NFIX: variants seen among roughly 807,000 people sequenced by gnomAD.
The protein encoded by NFIX is nuclear factor 1 X-type.
Under a neutral mutation model 53.3 loss-of-function variants are expected in NFIX, and 2 were observed. That is an observed-to-expected ratio of 0.04 (90% CI 0.02 to 0.12). NFIX has a LOEUF of 0.12. NFIX is among the 10% of genes least tolerant of loss of function. NFIX has a pLI of 1.00. For synonymous variants in NFIX, 244 were observed against 289.0 expected, an observed-to-expected ratio of 0.84 and a Z score of 1.58; for missense variants, 310 against 674.5, an observed-to-expected ratio of 0.46 and a Z score of 5.99.
intron 1 of NFIX, among the ~76,000 whole-genome samples, chr19:13,008,997 C>T (rs990088998): frequency 2.6e-5 from 4 of 152,186 alleles, no homozygotes; most frequent in Non-Finnish European, 5.9e-5. Context: ...GGTAGATTTG[C>T]GGGGGTCTCC....
intron 2 of NFIX, among the ~76,000 whole-genome samples, chr19:13,033,147 G>C (rs1482648308): frequency 1.3e-5 from 2 of 152,164 alleles, no homozygotes; most frequent in African/African-American, 2.4e-5. Flanking sequence ...AGGGCACCGT[G>C]GAAAACAGCA....
At chr19:13,077,670 C>T (rs2145453384) in intron 6 of NFIX, among the ~76,000 whole-genome samples, 1 of 152,300 alleles carries the variant, frequency 6.6e-6, no homozygotes, top group Non-Finnish European at 1.5e-5. Context: ...ATTTGTCCTC[C>T]AAGGGTGGCA....
chr19:13,050,253 G>T (rs2015246937), intron 2 of NFIX, among the ~76,000 whole-genome samples: 1 of 152,156 alleles, frequency 6.6e-6, no homozygotes, highest in South Asian at 2.1e-4. Flanking sequence ...GCTCTCTATA[G>T]CCCCTGAGTG....
intron 2 of NFIX, among the ~76,000 whole-genome samples, chr19:13,057,276 G>A (rs149468910): frequency 0.012 from 1,784 of 152,344 alleles, 17 homozygotes; most frequent in Middle Eastern, 0.027. Flanking sequence ...TGTGCAGAGC[G>A]GGGAGCGAGC....
In NFIX at chr19:13,045,737, T is replaced by G. The variant is rs899388394; in HGVS notation, c.559+20185T>G. ...GGACCACAGGCTGTGGTTGCGCCTG[T>G]CCGTTCTCCCTCCCTTTTCTCGTAG... On this transcript the variant is annotated intron_variant, in intron 2 of 10. Transcript: ENST00000592199. The surrounding 1 kb of genome is among the most constrained non-coding windows in gnomAD (Gnocchi z 4.4). Among the ~76,000 whole-genome samples the G allele has an allele frequency of 3.9e-5, 6 of 152,164 alleles. No homozygotes were observed. The highest frequency in any genetic ancestry group is 1.4e-4 in the African/African-American group (6 of 41,430).
At chr19:13,075,809 T>C in intron 6 of NFIX, 138 bp downstream of exon 6, 5 of 1,068,824 alleles carry the variant, frequency 4.7e-6, no homozygotes, top group Non-Finnish European at 6.6e-6. Context: ...TGCCTCCTGA[T>C]CTTCCAGGGA....
chr19:13,038,725 C>T (rs1376496492), intron 2 of NFIX, among the ~76,000 whole-genome samples: 6 of 152,234 alleles, frequency 3.9e-5, no homozygotes, highest in Non-Finnish European at 8.8e-5. Flanking sequence ...TGACCACATG[C>T]ATAGCGTGGC....
Position 13,036,739 on chromosome 19 carries a change from A to G in NFIX, c.559+11187A>G, listed in dbSNP as rs1409875879. ...CAGACAGGGGGTGTAATAAGTGTATATCCTCTGGCTATAAATAGCCACCAG... is the reference window on the plus strand; with the variant it reads ...CAGACAGGGGGTGTAATAAGTGTATGTCCTCTGGCTATAAATAGCCACCAG... On this transcript the variant is annotated intron_variant, in intron 2 of 10. Transcript: ENST00000592199. The surrounding 1 kb of genome is among the most constrained non-coding windows in gnomAD (Gnocchi z 4.7). Among the ~76,000 whole-genome samples the G allele has an allele frequency of 1.3e-5, 2 of 152,142 alleles. No homozygotes were observed. Among genetic ancestry groups the G allele is most frequent in the South Asian group, 2.1e-4 (1 of 4,822 alleles).
intron 2 of NFIX, chr19:13,070,485 C>T (rs906639927): frequency 6.6e-6 from 1 of 152,520 alleles, no homozygotes; most frequent in Non-Finnish European, 1.5e-5. Context: ...TTGAGCAGAT[C>T]AGTGGGGCCC....
In NFIX at chr19:13,025,498, G is replaced by A; in HGVS notation, c.505G>A (p.Gly169Arg). The A allele has an allele frequency of 6.2e-7, 1 of 1,614,008 alleles. No individual in the cohort carries two copies. Among genetic ancestry groups the A allele is most frequent in the Non-Finnish European group, 8.5e-7 (1 of 1,179,896 alleles). ...CCTGTGCGTCCAGCCACATCACATT[G>A]GAGTCACAATCAAAGAACTGGATCT... ...PGLCVQPHHI[G>R]VTIKELDLYL... Residue 169 changes from glycine to arginine, a missense_variant, in exon 2 of 11, where the codon GGA becomes AGA. Physicochemically the swap from Gly to Arg is moderately radical, Grantham distance 125 (BLOSUM62 -2). Transcript: ENST00000592199. This position sits in a 1 kb window ranked among gnomAD's most constrained non-coding sequence, Gnocchi z 7.5.
At position 13,013,310 on chromosome 19, in the gene NFIX, G is replaced by A. The variant is rs1250491134; in HGVS notation, c.28-11711G>A. ...AGGAGGAAGCTGGCGTCGGGCTGAAGTCCCCCGAGCCACCCCTGGAGCCAG... is the reference window on the plus strand; with the variant it reads ...AGGAGGAAGCTGGCGTCGGGCTGAAATCCCCCGAGCCACCCCTGGAGCCAG... On this transcript the variant is annotated intron_variant, in intron 1 of 10. Transcript: ENST00000592199. The surrounding 1 kb of genome is among the most constrained non-coding windows in gnomAD (Gnocchi z 5.9). Among the ~76,000 whole-genome samples, 1 of 152,162 alleles carries A rather than the reference G, an allele frequency of 6.6e-6. No homozygotes were observed. The highest frequency in any genetic ancestry group is 1.5e-5 in the Non-Finnish European group (1 of 68,024).
At position 13,025,317 on chromosome 19, in the gene NFIX, C is replaced by G; in HGVS notation, c.324C>G (p.Pro108=). ...KKPPCCVLSN[P]DQKGKIRRID... is the part of the protein sequence containing the mutation. ...CCCCCTGCTGCGTGCTCTCCAACCC[C>G]GACCAGAAGGGCAAGATCCGGCGGA... The change falls in exon 2 of 11, where the codon CCC becomes CCG. Residue 108 remains proline, a synonymous_variant. Coordinates refer to ENST00000592199, the MANE Select transcript of NFIX (RefSeq NM_001365902.3). This position sits in a 1 kb window ranked among gnomAD's most constrained non-coding sequence, Gnocchi z 7.5. 5.0e-6 allele frequency: 8 copies of G among 1,614,112 alleles called. No homozygotes were observed. The highest frequency in any genetic ancestry group is 6.8e-6 in the Non-Finnish European group (8 of 1,179,948).
intron 8 of NFIX, among the ~76,000 whole-genome samples, chr19:13,087,288 C>T (rs1568330685): frequency 6.6e-6 from 1 of 152,216 alleles, no homozygotes; most frequent in African/African-American, 2.4e-5. Context: ...GGCAGCCGAG[C>T]ATCCATGGCG....
At chr19:13,065,480 G>C (rs550895568) in intron 2 of NFIX, among the ~76,000 whole-genome samples, 3 of 152,270 alleles carry the variant, frequency 2.0e-5, no homozygotes, top group African/African-American at 7.2e-5. Context: ...TTTGGTGCTG[G>C]GTCACCTTGC....
Position 13,072,064 on chromosome 19 carries a change from C to T in NFIX, c.560-983C>T, listed in dbSNP as rs1189136344. ...TTTTCAGATGCCACCCCCATGTGGTCCCCCTGTGAGCAGCTGATTCTTCAC... is the reference window on the plus strand; with the variant it reads ...TTTTCAGATGCCACCCCCATGTGGTTCCCCTGTGAGCAGCTGATTCTTCAC... On this transcript the variant is annotated intron_variant, in intron 2 of 10. Transcript: ENST00000592199. This position sits in a 1 kb window ranked among gnomAD's most constrained non-coding sequence, Gnocchi z 4.0. Among the ~76,000 whole-genome samples, 1 of 152,200 alleles carries T rather than the reference C, an allele frequency of 6.6e-6. No homozygotes were observed. The highest frequency in any genetic ancestry group is 1.5e-5 in the Non-Finnish European group (1 of 68,028).
At position 13,090,825 on chromosome 19, in the gene NFIX, CAG is replaced by C. The variant is rs1300774220; in HGVS notation, c.1494+438_1494+439del. The stretch of plus-strand genomic sequence containing the variant: ...GGCTGGGTGACGGGTGGAGGAGGGA[CAG>C]AGGGCCTGGTGGGCTGCGTGCCCAG... On this transcript the variant is annotated intron_variant, in intron 10 of 10. Coordinates refer to ENST00000592199, the MANE Select transcript of NFIX (RefSeq NM_001365902.3). This position sits in a 1 kb window ranked among gnomAD's most constrained non-coding sequence, Gnocchi z 6.6. Among the ~76,000 whole-genome samples, 2 of 152,214 alleles carry C rather than the reference CAG, an allele frequency of 1.3e-5. No homozygotes were observed. Among genetic ancestry groups the C allele is most frequent in the African/African-American group, 4.8e-5 (2 of 41,454 alleles).
rs562817169 is a variant in NFIX at position 12,997,415 on chromosome 19, G to C, written c.27+1551G>C. Among the ~76,000 whole-genome samples, 5 of 152,304 alleles carry C rather than the reference G, an allele frequency of 3.3e-5. No homozygotes were observed. The East Asian group carries it at 9.7e-4, about 29-fold the overall frequency. ...GCAGGCCCAAGTACGTGTTGGCGAG[G>C]GCGCACCGGCATGCATACATGTTGC... On this transcript the variant is annotated intron_variant, in intron 1 of 10. Transcript: ENST00000592199.
In NFIX at chr19:13,048,926, AC is replaced by A. The variant is rs1271371129; in HGVS notation, c.559+23375del. 3.3e-5 allele frequency among the ~76,000 whole-genome samples: 5 copies of A among 152,102 alleles called. 1 individual carries two copies. The highest frequency in any genetic ancestry group is 4.1e-4 in the South Asian group (2 of 4,828). Reference sequence around the variant, plus strand: ...TGTCTTTACTAAAAATACAAAAAAAACATTAGCCAAGTGTGGTGATGCAGCC... The same window carrying A: ...TGTCTTTACTAAAAATACAAAAAAAAATTAGCCAAGTGTGGTGATGCAGCC... On this transcript the variant is annotated intron_variant, in intron 2 of 10. Transcript: ENST00000592199.
rs2016447663 is a variant in NFIX at position 13,067,044 on chromosome 19, C to A, written c.560-6003C>A. On this transcript the variant is annotated intron_variant, in intron 2 of 10. Transcript: ENST00000592199. This position sits in a 1 kb window ranked among gnomAD's most constrained non-coding sequence, Gnocchi z 4.2. Reference sequence around the variant, plus strand: ...TCAGTTTCAGGAGGCACAATAGTTACATTCTCCAGCTCTGATTGCTACAGG... The same window carrying A: ...TCAGTTTCAGGAGGCACAATAGTTAAATTCTCCAGCTCTGATTGCTACAGG... Among the ~76,000 whole-genome samples, 1 of 152,224 alleles carries A rather than the reference C, an allele frequency of 6.6e-6. No individual in the cohort carries two copies. Among genetic ancestry groups the A allele is most frequent in the Admixed American group, 6.5e-5 (1 of 15,290 alleles).
Sources: allele counts gnomAD v4.1 joint callset (sites outside exome capture counted in the v4.1 genomes callset), GRCh38; gene constraint gnomAD v4.1.1; non-coding constraint Gnocchi (gnomAD v3.1); transcripts MANE v1.5; gene names NCBI Gene and HGNC (gene_info 2026-07-23, HGNC 2026-07-21).